The following CCDC91 variants were observed in gnomAD, a reference collection of about 807,000 sequenced individuals.
CCDC91 encodes the protein coiled-coil domain containing 91.
A neutral mutation model predicts 63.2 loss-of-function variants in CCDC91; 48 were observed. That is an observed-to-expected ratio of 0.76 (90% CI 0.60 to 0.97). The LOEUF is 0.97. Ranked by LOEUF, CCDC91 falls within the 50% of genes least tolerant of loss-of-function variation. The pLI is 0.00. For missense variants in CCDC91, 500 were observed against 494.6 expected (o/e 1.01, Z -0.10); for synonymous variants, 167 against 165.8 (o/e 1.01, Z -0.06).
At chr12:28,466,544 A>G (rs1389280360) in intron 11 of CCDC91, among the ~76,000 whole-genome samples, 4 of 152,190 alleles carry the variant, frequency 2.6e-5, no homozygotes, top group Non-Finnish European at 5.9e-5. Context: ...TTTACAGGCC[A>G]GGAGAGTGTT....
intron 12 of CCDC91, among the ~76,000 whole-genome samples, chr12:28,501,525 A>G (rs1937867250): frequency 6.6e-6 from 1 of 151,900 alleles, no homozygotes; most frequent in South Asian, 2.1e-4. Flanking sequence ...CTTTGCGTAT[A>G]TTGAACCAGC....
chr12:28,236,073 G>A (rs1400286119), intron 1 of CCDC91, among the ~76,000 whole-genome samples: 1 of 152,014 alleles, frequency 6.6e-6, no homozygotes, highest in East Asian at 1.9e-4. Context: ...CTTTTCCTAA[G>A]ATTAGTCAAA....
intron 7 of CCDC91, among the ~76,000 whole-genome samples, chr12:28,370,584 C>T (rs1460251086): frequency 1.3e-5 from 2 of 152,320 alleles, no homozygotes; most frequent in South Asian, 2.1e-4. Flanking sequence ...ATCTTTTACC[C>T]AGTTCCCAAT....
intron 12 of CCDC91, among the ~76,000 whole-genome samples, chr12:28,495,763 C>T (rs796768826): frequency 9.2e-5 from 14 of 151,720 alleles, no homozygotes; most frequent in African/African-American, 3.4e-4. Context: ...ATTCCTCATG[C>T]TCTTCATATT....
At chr12:28,508,318 T>C (rs758087916) in intron 12 of CCDC91, among the ~76,000 whole-genome samples, 21 of 151,830 alleles carry the variant, frequency 1.4e-4, no homozygotes, top group Non-Finnish European at 2.7e-4. Context: ...GATTCTCATC[T>C]CCCTTCTCTG....
chr12:28,510,044 G>C (rs766827301), intron 12 of CCDC91, among the ~76,000 whole-genome samples: 1 of 151,886 alleles, frequency 6.6e-6, no homozygotes, highest in Admixed American at 6.6e-5. Flanking sequence ...GTAGAAGGGA[G>C]TAGAGACACC....
intron 3 of CCDC91, among the ~76,000 whole-genome samples, chr12:28,300,621 G>A (rs565355246): frequency 1.8e-4 from 27 of 151,354 alleles, no homozygotes; most frequent in Non-Finnish European, 3.9e-4. Flanking sequence ...CTTTTTTAAT[G>A]TCACATTTAA....
At position 28,237,849 on chromosome 12, in the gene CCDC91, C is replaced by A. The variant is rs1013450338; in HGVS notation, c.-14-19353C>A. Among the ~76,000 whole-genome samples the A allele has an allele frequency of 9.2e-5, 14 of 152,180 alleles. 1 individual carries two copies. Among genetic ancestry groups the A allele is most frequent in the African/African-American group, 3.4e-4 (14 of 41,442 alleles). On this transcript the variant is annotated intron_variant, in intron 1 of 12. Transcript: ENST00000536442. ...AGGGATCCCCGTCTTAATTGACCGGCTCCTCTCTTCCTTTGACTTGAACAT... is the reference window on the plus strand; with the variant it reads ...AGGGATCCCCGTCTTAATTGACCGGATCCTCTCTTCCTTTGACTTGAACAT...
chr12:28,195,437 C>G (rs540966208), intron 1 of CCDC91, among the ~76,000 whole-genome samples: 1 of 145,450 alleles, frequency 6.9e-6, no homozygotes, highest in Non-Finnish European at 1.5e-5. Context: ...GGCTTCACCT[C>G]TCATTACTAT....
intron 6 of CCDC91, among the ~76,000 whole-genome samples, chr12:28,335,305 A>G (rs1941875610): frequency 7.5e-6 from 1 of 133,818 alleles, no homozygotes; most frequent in Non-Finnish European, 1.6e-5. Context: ...ATAATATATA[A>G]TACATATTAT....
chr12:28,214,387 C>CT (rs2135558877), intron 1 of CCDC91, among the ~76,000 whole-genome samples: 1 of 152,156 alleles, frequency 6.6e-6, no homozygotes, highest in Non-Finnish European at 1.5e-5. Context: ...AGCAGGAGTA[C>CT]TATGATCCAG....
At chr12:28,326,230 T>C (rs1203816703) in intron 6 of CCDC91, among the ~76,000 whole-genome samples, 2 of 152,124 alleles carry the variant, frequency 1.3e-5, no homozygotes, top group Admixed American at 6.6e-5. Flanking sequence ...TCCACTACAA[T>C]TGTGAGACAT....
chr12:28,334,369 A>AT (rs1312237271), intron 6 of CCDC91, among the ~76,000 whole-genome samples: 1 of 152,190 alleles, frequency 6.6e-6, no homozygotes, highest in African/African-American at 2.4e-5. Context: ...TAAGCACCTA[A>AT]TATGAGCTCT....
chr12:28,463,856 C>T (rs1418034667), intron 11 of CCDC91, among the ~76,000 whole-genome samples: 4 of 152,116 alleles, frequency 2.6e-5, no homozygotes, highest in Non-Finnish European at 5.9e-5. Flanking sequence ...ATCCTTCCTG[C>T]CCGGACACCA....
At chr12:28,218,195 A>T (rs1943692381) in intron 1 of CCDC91, among the ~76,000 whole-genome samples, 2 of 152,090 alleles carry the variant, frequency 1.3e-5, no homozygotes, top group South Asian at 4.1e-4. Context: ...TAGCTACTGT[A>T]GTTCTGCCTA....
At chr12:28,191,077 G>T (rs1444887509) in intron 1 of CCDC91, among the ~76,000 whole-genome samples, 1 of 152,218 alleles carries the variant, frequency 6.6e-6, no homozygotes, top group African/African-American at 2.4e-5. Flanking sequence ...GCGTCTGCCA[G>T]CCACATTTCC....
At chr12:28,261,469 A>C (rs536741992) in intron 3 of CCDC91, among the ~76,000 whole-genome samples, 1 of 152,048 alleles carries the variant, frequency 6.6e-6, no homozygotes, top group East Asian at 1.9e-4. Context: ...AGAAATTAGA[A>C]GTAGAAAATT....
Position 28,294,394 on chromosome 12 carries a change from G to A in CCDC91, c.110-11255G>A, listed in dbSNP as rs549074010. Among the ~76,000 whole-genome samples the A allele has an allele frequency of 1.9e-3, 293 of 152,136 alleles. 1 individual carries two copies. Among genetic ancestry groups the A allele is most frequent in the African/African-American group, 6.8e-3 (281 of 41,510 alleles). ...TTGGGTTATGGAGGTGGTTCCCCCC[G>A]CATGCTGTTCTTGTGGTAATGAGTT... On this transcript the variant is annotated intron_variant, in intron 3 of 12. Coordinates refer to ENST00000536442, the MANE Select transcript of CCDC91 (RefSeq NM_018318.5).
intron 1 of CCDC91, among the ~76,000 whole-genome samples, chr12:28,234,168 A>G (rs1314471642): frequency 1.3e-5 from 2 of 152,150 alleles, no homozygotes; most frequent in Non-Finnish European, 2.9e-5. Context: ...GCTAAAATGG[A>G]TAGTCATGAA....
Sources: allele counts gnomAD v4.1 joint callset (sites outside exome capture counted in the v4.1 genomes callset), GRCh38; gene constraint gnomAD v4.1.1; transcripts MANE v1.5; gene names NCBI Gene and HGNC (gene_info 2026-07-23, HGNC 2026-07-21).